The following CERT1 variants were observed in gnomAD, a reference collection of about 807,000 sequenced individuals.
CERT1 encodes the protein ceramide transfer protein.
In CERT1, 31 loss-of-function variants were observed where a neutral mutation model predicts 87.9. That is an observed-to-expected ratio of 0.35 (90% CI 0.27 to 0.48). The LOEUF (loss-of-function observed/expected upper bound fraction) is 0.48, where lower values mean the gene tolerates loss of function less well. CERT1 is among the 20% of genes least tolerant of loss of function. The probability of loss-of-function intolerance (pLI) is 0.99; values close to 1 mark genes in which losing one functional copy is unlikely to be tolerated. For missense variants in CERT1, 487 were observed against 758.0 expected (o/e 0.64, Z 4.20); for synonymous variants, 289 against 250.9 (o/e 1.15, Z -1.44).
chr5:75,374,379 A>G (rs1323102769), downstream of CERT1: 3 of 539,074 alleles, frequency 5.6e-6, no homozygotes, highest in Non-Finnish European at 9.8e-6. Flanking sequence ...TTATTCCATC[A>G]GCAAGGAATC....
At chr5:75,433,919 A>G (rs1191580085) in intron 3 of CERT1, among the ~76,000 whole-genome samples, 1 of 152,210 alleles carries the variant, frequency 6.6e-6, no homozygotes, top group African/African-American at 2.4e-5. Flanking sequence ...TAGGAATAGA[A>G]TAATATTTAT....
chr5:75,408,028 A>C (rs1762784887), intron 8 of CERT1, among the ~76,000 whole-genome samples: 2 of 152,140 alleles, frequency 1.3e-5, no homozygotes, highest in South Asian at 4.2e-4. Context: ...CAAAACTGAA[A>C]CTCTGTTCCC....
intron 15 of CERT1, 91 bp downstream of exon 15, chr5:75,381,858 T>C: frequency 3.6e-6 from 4 of 1,126,300 alleles, no homozygotes; most frequent in South Asian, 1.5e-5. Context: ...AAATCAAGTA[T>C]AGTGTATGGG....
In CERT1 at chr5:75,439,733, G is replaced by A. The variant is rs1764243268; in HGVS notation, c.349-13255C>T. ...ATTACTATTTTAAAACAAACCACAT[G>A]AGGAGCCAGATACAATACCTAAGAC... is the stretch of plus-strand genomic sequence containing the variant. On this transcript the variant is annotated intron_variant, in intron 3 of 16. Coordinates refer to ENST00000643780, the MANE Select transcript of CERT1 (RefSeq NM_001379029.1). Among the ~76,000 whole-genome samples, 3 of 152,150 alleles carry A rather than the reference G, an allele frequency of 2.0e-5. No homozygotes were observed. The South Asian group carries it at 6.2e-4, about 32-fold the overall frequency.
intron 8 of CERT1, among the ~76,000 whole-genome samples, chr5:75,408,588 C>T (rs1561241236): frequency 6.6e-6 from 1 of 151,978 alleles, no homozygotes; most frequent in Non-Finnish European, 1.5e-5. Context: ...AATAGGTACA[C>T]ACAGACATAA....
chr5:75,388,580 G>A (rs1002695813), intron 12 of CERT1, among the ~76,000 whole-genome samples: 3 of 125,216 alleles, frequency 2.4e-5, no homozygotes, highest in Non-Finnish European at 3.4e-5. Context: ...ATCAGATGGA[G>A]CCAAGTATAG....
intron 3 of CERT1, among the ~76,000 whole-genome samples, chr5:75,429,979 T>A (rs941142146): frequency 1.3e-5 from 2 of 151,036 alleles, no homozygotes; most frequent in Admixed American, 6.6e-5. Flanking sequence ...AGGAAACTTG[T>A]CCCCACCCCC....
At chr5:75,413,179 G>A (rs1762999833) in intron 7 of CERT1, among the ~76,000 whole-genome samples, 1 of 152,090 alleles carries the variant, frequency 6.6e-6, no homozygotes, top group South Asian at 2.1e-4. Context: ...TCATCAAGAT[G>A]TCACTAGGCA....
At chr5:75,401,501 TC>T (rs1351605304) in intron 9 of CERT1, 2 of 152,058 alleles carry the variant, frequency 1.3e-5, no homozygotes, top group African/African-American at 4.8e-5. Flanking sequence ...CACTACTTTT[TC>T]CCAAAACAGC....
intron 3 of CERT1, among the ~76,000 whole-genome samples, chr5:75,437,088 G>C (rs549014018): frequency 3.3e-5 from 5 of 152,296 alleles, no homozygotes; most frequent in Admixed American, 2.6e-4. Flanking sequence ...AACTGGCCCA[G>C]TATGAAGTTT....
upstream of CERT1, chr5:75,511,760 T>C: frequency 6.5e-7 from 1 of 1,550,034 alleles, no homozygotes; most frequent in Non-Finnish European, 8.7e-7. Context: ...GAACCCTACC[T>C]CCGGCTCTCC....
At chr5:75,409,533 A>T (rs1183557749) in intron 8 of CERT1, among the ~76,000 whole-genome samples, 1 of 149,940 alleles carries the variant, frequency 6.7e-6, no homozygotes, top group Non-Finnish European at 1.5e-5. Context: ...AAATATCAAC[A>T]CTTTTTTTTT....
chr5:75,417,283 C>T (rs1763171340), intron 6 of CERT1, among the ~76,000 whole-genome samples: 1 of 151,928 alleles, frequency 6.6e-6, no homozygotes, highest in Non-Finnish European at 1.5e-5. Context: ...CTGTGCTGCA[C>T]CCAATTAATC....
intron 2 of CERT1, among the ~76,000 whole-genome samples, chr5:75,469,182 C>T (rs74844369): frequency 6.6e-6 from 1 of 151,426 alleles, no homozygotes; most frequent in Non-Finnish European, 1.5e-5. Flanking sequence ...ATGAAAAATG[C>T]AATAAAGAAC....
At chr5:75,507,029 T>A (rs993122741) in intron 1 of CERT1, among the ~76,000 whole-genome samples, 1 of 152,214 alleles carries the variant, frequency 6.6e-6, no homozygotes, top group African/African-American at 2.4e-5. Context: ...ATTGCCAAAA[T>A]ATACTGCATT....
At chr5:75,496,529 G>A (rs1035453696) in intron 2 of CERT1, among the ~76,000 whole-genome samples, 3 of 152,176 alleles carry the variant, frequency 2.0e-5, no homozygotes, top group Non-Finnish European at 4.4e-5. Flanking sequence ...CAAATGTTTA[G>A]AGCAGCCTTA....
At chr5:75,383,301 A>G (rs1167377831) in intron 14 of CERT1, among the ~76,000 whole-genome samples, 1 of 152,136 alleles carries the variant, frequency 6.6e-6, no homozygotes, top group Admixed American at 6.5e-5. Flanking sequence ...TACATATAAG[A>G]TTATTTTAAT....
At chr5:75,386,674 T>C (rs1307607866) in intron 12 of CERT1, among the ~76,000 whole-genome samples, 1 of 152,244 alleles carries the variant, frequency 6.6e-6, no homozygotes, top group Non-Finnish European at 1.5e-5. Flanking sequence ...TGCCAATTTA[T>C]GAAGGACCTA....
chr5:75,384,000 AC>A (rs1214469204), intron 14 of CERT1, among the ~76,000 whole-genome samples: 2 of 152,114 alleles, frequency 1.3e-5, no homozygotes, highest in African/African-American at 4.8e-5. Context: ...TGTATGACTA[AC>A]CTCTCAAGTC....
Sources: gnomAD v4.1 joint callset for allele counts (sites outside exome capture counted in the v4.1 genomes callset) on GRCh38, gnomAD v4.1.1 for gene constraint, MANE v1.5 for transcripts, NCBI Gene and HGNC (gene_info 2026-07-23, HGNC 2026-07-21) for gene names.